Variants in FER1L5 observed in about 807,000 individuals in gnomAD.
The protein encoded by FER1L5 is fer-1-like protein 5.
Under a neutral mutation model 279.9 loss-of-function variants are expected in FER1L5, and 187 were observed. That is an observed-to-expected ratio of 0.67 (90% CI 0.59 to 0.75). FER1L5 has a LOEUF of 0.75. Among genes scored for constraint, FER1L5 ranks in the 30% least tolerant of loss-of-function variants. The probability of loss-of-function intolerance (pLI) is 0.00; values close to 1 mark genes in which losing one functional copy is unlikely to be tolerated. For missense variants in FER1L5, 2,091 were observed against 2,594.4 expected, an observed-to-expected ratio of 0.81 and a Z score of 4.21; for synonymous variants, 921 against 989.7, an observed-to-expected ratio of 0.93 and a Z score of 1.30.
At position 96,669,260 on chromosome 2, in the gene FER1L5, G is replaced by A. The variant is rs538383442; in HGVS notation, c.1362+123G>A. On this transcript the variant is annotated intron_variant, in intron 17 of 52. Coordinates refer to ENST00000624922, the MANE Select transcript of FER1L5 (RefSeq NM_001293083.2). Reference sequence around the variant, plus strand: ...TTCTGTCCCTCGGGGTCTTGTGGAGGACGTGAAGCCTGTCCATGAGCAGCC... The same window carrying A: ...TTCTGTCCCTCGGGGTCTTGTGGAGAACGTGAAGCCTGTCCATGAGCAGCC... The A allele has an allele frequency of 1.1e-4, 100 of 941,168 alleles. No homozygotes were observed. In the East Asian group the frequency reaches 2.5e-3, roughly 23 times the overall value. The allele number at this position is 941,168 out of a possible 1,614,324, so 58.3% of individuals were successfully genotyped here. A position where few individuals can be genotyped will look rare whatever the true frequency, so the allele number is the denominator to read the frequency against.
intron 1 of FER1L5, among the ~76,000 whole-genome samples, chr2:96,643,960 T>C (rs1022869978): frequency 7.2e-6 from 1 of 138,302 alleles, no homozygotes; most frequent in African/African-American, 2.7e-5. Context: ...TCACTGGAGG[T>C]CAGGAGTTCA....
Position 96,695,332 on chromosome 2 carries a change from A to G in FER1L5, c.3742-177A>G, listed in dbSNP as rs573516233. Reference sequence around the variant, plus strand: ...CCGAGGGCAAGCACTGATCCCTCACAGGACGGGGAAGCCTGTCCTTGTGCG... The same window carrying G: ...CCGAGGGCAAGCACTGATCCCTCACGGGACGGGGAAGCCTGTCCTTGTGCG... On this transcript the variant is annotated intron_variant, in intron 34 of 52. Transcript: ENST00000624922. The G allele has an allele frequency of 1.2e-3, 992 of 812,220 alleles. 2 individuals carry two copies. Among genetic ancestry groups the G allele is most frequent in the Non-Finnish European group, 1.6e-3 (890 of 547,772 alleles). 50.3% of individuals were successfully genotyped at this position (812,220 alleles called of 1,614,324 possible).
At position 96,654,607 on chromosome 2, in the gene FER1L5, G is replaced by T. The variant is rs1046888376; in HGVS notation, c.747+111G>T. On this transcript the variant is annotated intron_variant, in intron 9 of 52. Coordinates refer to ENST00000624922, the MANE Select transcript of FER1L5 (RefSeq NM_001293083.2). ...AAGGACTTGGATTTTCACACAGAAA[G>T]ATCCAGACTTGGCCGGGTGCAGTGG... 1.0e-5 allele frequency: 4 copies of T among 393,094 alleles called. No individual in the cohort carries two copies. In the Admixed American group the frequency reaches 1.8e-4, roughly 17 times the overall value. 24.4% of individuals were successfully genotyped at this position (393,094 alleles called of 1,614,324 possible). A position where few individuals can be genotyped will look rare whatever the true frequency, so the allele number is the denominator to read the frequency against.
chr2:96,698,302 G>A lies in FER1L5; in HGVS notation c.4356+146G>A, dbSNP rs562580780. 5.1e-5 allele frequency: 64 copies of A among 1,256,758 alleles called. No homozygotes were observed. In the East Asian group the frequency reaches 1.2e-3, roughly 24 times the overall value. 77.9% of individuals were successfully genotyped at this position (1,256,758 alleles called of 1,614,324 possible). A position where few individuals can be genotyped will look rare whatever the true frequency, so the allele number is the denominator to read the frequency against. ...TCTGGGAGTGGAGGAGCAGAGATTC[G>A]CCTCCACAGGAACTCGGGGAGCGCT... On this transcript the variant is annotated intron_variant, in intron 40 of 52. Transcript: ENST00000624922. The surrounding 1 kb of genome is among the most constrained non-coding windows in gnomAD (Gnocchi z 5.5).
At chr2:96,679,010 C>A (rs2076614361) in intron 19 of FER1L5, among the ~76,000 whole-genome samples, 1 of 152,030 alleles carries the variant, frequency 6.6e-6, no homozygotes, top group South Asian at 2.1e-4. Flanking sequence ...GCTAAGAACT[C>A]TTTGGTTAAC....
At chr2:96,651,780 T>C in intron 6 of FER1L5, 112 bp from the exon 7 acceptor site, 1 of 1,454,542 alleles carries the variant, frequency 6.9e-7, no homozygotes, top group South Asian at 1.3e-5. Flanking sequence ...GTGCTGGGAT[T>C]ACAGGCATGA....
Position 96,693,644 on chromosome 2 carries a change from GCCCA to G in FER1L5, c.3434_3437del (p.Pro1145ArgfsTer40). On this transcript the variant is annotated frameshift_variant, in exon 32 of 53. Transcript: ENST00000624922. LOFTEE classifies it high-confidence loss of function. ...GAGAACCCACAGGACACCAAAGAGA[GCCCA>G]CCGCTTGTGGTGCTGGAGCTGTGGC... 1 of 1,551,746 alleles carries G rather than the reference GCCCA, an allele frequency of 6.4e-7. No individual in the cohort carries two copies. Among genetic ancestry groups the G allele is most frequent in the Non-Finnish European group, 8.7e-7 (1 of 1,146,998 alleles).
At chr2:96,692,258 C>T in intron 31 of FER1L5, 77 bp downstream of exon 31, 2 of 1,466,648 alleles carry the variant, frequency 1.4e-6, no homozygotes, top group Non-Finnish European at 1.9e-6. Context: ...CCTGCAGCAG[C>T]CAAGGCAGCC....
At chr2:96,658,911 G>A (rs2075706642) in intron 9 of FER1L5, among the ~76,000 whole-genome samples, 1 of 151,952 alleles carries the variant, frequency 6.6e-6, no homozygotes, top group Non-Finnish European at 1.5e-5. Context: ...TCTTCCAGAG[G>A]ATGACAGCCC....
intron 39 of FER1L5, 56 bp downstream of exon 39, chr2:96,697,817 C>G: frequency 6.3e-7 from 1 of 1,583,262 alleles, no homozygotes; most frequent in Non-Finnish European, 8.6e-7. Context: ...AGGAGGCCAG[C>G]AGAGCTAGCC....
intron 14 of FER1L5, among the ~76,000 whole-genome samples, chr2:96,665,391 T>TC (rs1316675212): frequency 2.0e-5 from 3 of 152,112 alleles, no homozygotes; most frequent in Non-Finnish European, 4.4e-5. Flanking sequence ...CAACCATTCC[T>TC]CATAATCCCT....
At chr2:96,679,005 GA>G (rs1022072573) in intron 19 of FER1L5, among the ~76,000 whole-genome samples, 4 of 152,018 alleles carry the variant, frequency 2.6e-5, no homozygotes, top group African/African-American at 9.7e-5. Context: ...TTATAGCTAA[GA>G]ACTCTTTGGT....
In FER1L5 at chr2:96,694,031, G is replaced by A. The variant is rs764285594; in HGVS notation, c.3595G>A (p.Gly1199Ser). 19 of 1,548,396 alleles carry A rather than the reference G, an allele frequency of 1.2e-5. No individual in the cohort carries two copies. Among genetic ancestry groups the A allele is most frequent in the Non-Finnish European group, 1.5e-5 (17 of 1,146,976 alleles). The change falls in exon 33 of 53, where the codon GGC becomes AGC. Residue 1199 changes from glycine (G) to serine (S), a missense_variant. Gly to Ser is a moderately conservative substitution (Grantham distance 56, BLOSUM62 0). Coordinates refer to ENST00000624922, the MANE Select transcript of FER1L5 (RefSeq NM_001293083.2). This position sits in a 1 kb window ranked among gnomAD's most constrained non-coding sequence, Gnocchi z 4.6. Reference sequence around the variant, plus strand: ...TGTAAAGGAGTTGGGGAAGGAAGAGGGCGAGATCTTGGCATCCTGTGAGCT... The same window carrying A: ...TGTAAAGGAGTTGGGGAAGGAAGAGAGCGAGATCTTGGCATCCTGTGAGCT... ...PLVKELGKEE[G>S]EILASCELIL...
rs1173002033 is a variant in FER1L5 at position 96,695,554 on chromosome 2, C to T, written c.3787C>T (p.Gln1263Ter). 6.3e-7 allele frequency: 1 copy of T among 1,593,742 alleles called. No homozygotes were observed. Among genetic ancestry groups the T allele is most frequent in the African/African-American group, 1.3e-5 (1 of 74,500 alleles). The change falls in exon 35 of 53, where the codon CAG (glutamine) becomes TAG (stop). Residue 1263 changes from glutamine to a stop codon, truncating the protein, a stop_gained. Coordinates refer to ENST00000624922, the MANE Select transcript of FER1L5 (RefSeq NM_001293083.2). LOFTEE classifies it high-confidence loss of function. ...LRNMKKASSP[Q>*]LLVEFGEESL... ...GAACATGAAGAAGGCGAGCTCCCCC[C>T]AGCTCCTGGTGGAATTCGGGGAAGA...
In FER1L5 at chr2:96,690,698, T is replaced by C. The variant is rs575199822; in HGVS notation, c.2743+109T>C. 33 of 1,012,944 alleles carry C rather than the reference T, an allele frequency of 3.3e-5. No individual in the cohort carries two copies. The East Asian group carries it at 8.7e-4, about 27-fold the overall frequency. 62.7% of individuals were successfully genotyped at this position (1,012,944 alleles called of 1,614,324 possible). A position where few individuals can be genotyped will look rare whatever the true frequency, so the allele number is the denominator to read the frequency against. On this transcript the variant is annotated intron_variant, in intron 27 of 52. Coordinates refer to ENST00000624922, the MANE Select transcript of FER1L5 (RefSeq NM_001293083.2). Reference sequence around the variant, plus strand: ...AAGCCCTCCATGGTATACGCCTAAATTCCTGGGGCCCCCTGGCCTCCAGAG... The same window carrying C: ...AAGCCCTCCATGGTATACGCCTAAACTCCTGGGGCCCCCTGGCCTCCAGAG...
rs538812831 is a variant in FER1L5, at chr2:96,677,038, C to T, written c.1669+3784C>T. 6.6e-5 allele frequency among the ~76,000 whole-genome samples: 10 copies of T among 152,234 alleles called. No homozygotes were observed. The South Asian group carries it at 1.4e-3, about 22-fold the overall frequency. On this transcript the variant is annotated intron_variant, in intron 19 of 52. Transcript: ENST00000624922. ...TGTATTTTTAGTAGAGATAGGGTTT[C>T]GCCACGTTGGCCAGGCTGGTCTCGA... is the stretch of plus-strand genomic sequence containing the variant.
chr2:96,656,984 AATG>A (rs1231896721), intron 9 of FER1L5, among the ~76,000 whole-genome samples: 1 of 151,718 alleles, frequency 6.6e-6, no homozygotes, highest in Non-Finnish European at 1.5e-5. Flanking sequence ...GTTAACAGCT[AATG>A]ATGATCATTG....
At position 96,704,285 on chromosome 2, in the gene FER1L5, T is replaced by A. The variant is rs781262793; in HGVS notation, c.5872T>A (p.Tyr1958Asn). ...CTTCTGCTATATTTTCTGGAAACGC[T>A]ATCGCTTCAAACTCATAGCCTTTAT... is the stretch of plus-strand genomic sequence containing the variant. ...QNFCYIFWKRYRFKLIAFMVI... is the reference protein window; with the variant it reads ...QNFCYIFWKRNRFKLIAFMVI... The change falls in exon 52 of 53, where the codon TAT becomes AAT. Residue 1958 changes from tyrosine to asparagine, a missense_variant. Physicochemically the swap from Tyr to Asn is moderately radical, Grantham distance 143. Transcript: ENST00000624922. 3 of 1,614,050 alleles carry A rather than the reference T, an allele frequency of 1.9e-6. No individual in the cohort carries two copies. The highest frequency in any genetic ancestry group is 2.5e-6 in the Non-Finnish European group (3 of 1,179,900).
chr2:96,669,222 C>G lies in FER1L5; in HGVS notation c.1362+85C>G, dbSNP rs1043061188. On this transcript the variant is annotated intron_variant, in intron 17 of 52. Transcript: ENST00000624922. ...CTAGGGCCTGGGACGTGCCCCGAGG[C>G]CCCGGCCCTGGTTTCTGTCCCTCGG... 3.9e-5 allele frequency: 52 copies of G among 1,330,198 alleles called. No homozygotes were observed. The African/African-American group carries it at 6.8e-4, about 17-fold the overall frequency. 82.4% of individuals were successfully genotyped at this position (1,330,198 alleles called of 1,614,324 possible).
Sources: gnomAD v4.1 joint callset for allele counts (sites outside exome capture counted in the v4.1 genomes callset) on GRCh38, gnomAD v4.1.1 for gene constraint, Gnocchi (gnomAD v3.1) non-coding constraint, MANE v1.5 for transcripts, NCBI Gene and HGNC (gene_info 2026-07-23, HGNC 2026-07-21) for gene names.